FOXK1: variants seen among roughly 807,000 people sequenced by gnomAD.
The protein encoded by FOXK1 is forkhead box K1, also known as forkhead box protein K1.
A neutral mutation model predicts 51.9 loss-of-function variants in FOXK1; 19 were observed. The observed-to-expected ratio is 0.37, with a 90% CI of 0.26 to 0.54. FOXK1 has a LOEUF of 0.54. FOXK1 is among the 20% of genes least tolerant of loss of function. The probability of loss-of-function intolerance (pLI) is 0.87; values close to 1 mark genes in which losing one functional copy is unlikely to be tolerated. For synonymous variants in FOXK1, 537 were observed against 482.6 expected (o/e 1.11, Z -1.48); for missense variants, 870 against 1,032.7 (o/e 0.84, Z 2.16).
intron 7 of FOXK1, among the ~76,000 whole-genome samples, chr7:4,760,794 T>G (rs1019633132): frequency 2.0e-5 from 3 of 152,158 alleles, no homozygotes; most frequent in African/African-American, 4.8e-5. Context: ...GAGGTTGCAG[T>G]GAGCCGAGAT....
Position 4,767,944 on chromosome 7 carries a change from C to T in FOXK1, c.*5480C>T, listed in dbSNP as rs929639141. ...CCACACCGTGCGGCTTGAATTCTGT[C>T]GGAGTTGAATCTGTGGAAAGGATTG... On this transcript the variant is annotated 3_prime_UTR_variant, in exon 9 of 9. Coordinates refer to ENST00000328914, the MANE Select transcript of FOXK1 (RefSeq NM_001037165.2). The surrounding 1 kb of genome is among the most constrained non-coding windows in gnomAD (Gnocchi z 6.6). 3.3e-5 allele frequency: 5 copies of T among 151,908 alleles called. No homozygotes were observed. The highest frequency in any genetic ancestry group is 7.4e-5 in the Non-Finnish European group (5 of 68,014). 9.4% of individuals were successfully genotyped at this position (151,908 alleles called of 1,614,324 possible).
chr7:4,692,791 A>T lies in FOXK1; in HGVS notation c.560+9923A>T, dbSNP rs184022517. 5.9e-5 allele frequency among the ~76,000 whole-genome samples: 9 copies of T among 151,510 alleles called. No homozygotes were observed. The East Asian group carries it at 1.6e-3, about 26-fold the overall frequency. On this transcript the variant is annotated intron_variant, in intron 1 of 8. Coordinates refer to ENST00000328914, the MANE Select transcript of FOXK1 (RefSeq NM_001037165.2). ...ACCCAGGCTAGAGTGCAGTGGTGCAATCATAGCTCACTGCAGCCTTGACCT... is the reference window on the plus strand; with the variant it reads ...ACCCAGGCTAGAGTGCAGTGGTGCATTCATAGCTCACTGCAGCCTTGACCT...
chr7:4,719,630 C>T lies in FOXK1; in HGVS notation c.561-21208C>T, dbSNP rs189787951. ...CTGAGTAGCTGGGACTACAGGCACA[C>T]GCCACCATGCCCATCTAATTTTTGT... On this transcript the variant is annotated intron_variant, in intron 1 of 8. Coordinates refer to ENST00000328914, the MANE Select transcript of FOXK1 (RefSeq NM_001037165.2). Among the ~76,000 whole-genome samples the T allele has an allele frequency of 1.6e-4, 25 of 152,212 alleles. 1 individual carries two copies. The East Asian group carries it at 3.3e-3, about 20-fold the overall frequency.
rs548212224 is a variant in FOXK1 at position 4,747,414 on chromosome 7, G to A, written c.746+6391G>A. Among the ~76,000 whole-genome samples the A allele has an allele frequency of 6.6e-6, 1 of 152,238 alleles. No homozygotes were observed. Among genetic ancestry groups the A allele is most frequent in the Non-Finnish European group, 1.5e-5 (1 of 68,042 alleles). On this transcript the variant is annotated intron_variant, in intron 2 of 8. Coordinates refer to ENST00000328914, the MANE Select transcript of FOXK1 (RefSeq NM_001037165.2). The surrounding 1 kb of genome is among the most constrained non-coding windows in gnomAD (Gnocchi z 9.2). ...GCCTAACATGAGAGCAGCTCCTGTT[G>A]AAGCCACCATGCTGGTTATTCTCAC...
chr7:4,718,382 C>T (rs569460122), intron 1 of FOXK1, among the ~76,000 whole-genome samples: 1 of 152,238 alleles, frequency 6.6e-6, no homozygotes, highest in African/African-American at 2.4e-5. Flanking sequence ...GTTTCAGAAG[C>T]GGGCTCGTCC....
chr7:4,756,858 C>T lies in FOXK1; in HGVS notation c.1051-136C>T. 3.3e-6 allele frequency: 3 copies of T among 896,650 alleles called. No individual in the cohort carries two copies. The South Asian group carries it at 5.0e-5, about 15-fold the overall frequency. The allele number at this position is 896,650 out of a possible 1,614,324, so 55.5% of individuals were successfully genotyped here. On this transcript the variant is annotated intron_variant, in intron 4 of 8. Transcript: ENST00000328914. This position sits in a 1 kb window ranked among gnomAD's most constrained non-coding sequence, Gnocchi z 4.1. ...TCGGTGCTGCTCCCGTGAGGCCCAGCCAGCACAGCACCAAGGGCTCTGCAC... is the reference window on the plus strand; with the variant it reads ...TCGGTGCTGCTCCCGTGAGGCCCAGTCAGCACAGCACCAAGGGCTCTGCAC...
rs1415601922 is a variant in FOXK1, at chr7:4,731,717, C to G, written c.561-9121C>G. Among the ~76,000 whole-genome samples, 1 of 150,538 alleles carries G rather than the reference C, an allele frequency of 6.6e-6. No homozygotes were observed. The highest frequency in any genetic ancestry group is 2.5e-5 in the African/African-American group (1 of 40,762). On this transcript the variant is annotated intron_variant, in intron 1 of 8. Coordinates refer to ENST00000328914, the MANE Select transcript of FOXK1 (RefSeq NM_001037165.2). This position sits in a 1 kb window ranked among gnomAD's most constrained non-coding sequence, Gnocchi z 5.3. ...GAGGTTGCAGTGAGCTGAGATTGCA[C>G]CACTGCACTCCAGCCTGGGCAACAA...
chr7:4,738,344 G>T (rs768977769), intron 1 of FOXK1, among the ~76,000 whole-genome samples: 4 of 151,550 alleles, frequency 2.6e-5, no homozygotes, highest in Non-Finnish European at 5.9e-5. Flanking sequence ...GGCTGAGGCA[G>T]CAGAATCGCT....
rs1048538870 is a variant in FOXK1 at position 4,768,391 on chromosome 7, C to T, written c.*5927C>T. The T allele has an allele frequency of 1.4e-5, 2 of 138,240 alleles. No individual in the cohort carries two copies. The highest frequency in any genetic ancestry group is 3.0e-5 in the Non-Finnish European group (2 of 67,204). The allele number at this position is 138,240 out of a possible 1,614,324, so 8.6% of individuals were successfully genotyped here. A position where few individuals can be genotyped will look rare whatever the true frequency, so the allele number is the denominator to read the frequency against. The stretch of plus-strand genomic sequence containing the variant: ...TCGTGATCCGCCCGCCTCGGCCTCC[C>T]AAAGTGCTGGGATTACAGGCGTGAG... On this transcript the variant is annotated 3_prime_UTR_variant, in exon 9 of 9. Transcript: ENST00000328914.
At chr7:4,701,964 A>G (rs1204080508) in intron 1 of FOXK1, among the ~76,000 whole-genome samples, 1 of 152,184 alleles carries the variant, frequency 6.6e-6, no homozygotes, top group African/African-American at 2.4e-5. Context: ...ACTCGCAGCT[A>G]CTTGGGAGGC....
At position 4,755,178 on chromosome 7, in the gene FOXK1, G is replaced by A; in HGVS notation, c.904-59G>A. ...TCCTCCCCATCAGCTGTGACGGGTG[G>A]GTGGGGTAGACTCAGGGACCTTGCT... On this transcript the variant is annotated intron_variant, in intron 3 of 8. Transcript: ENST00000328914. This position sits in a 1 kb window ranked among gnomAD's most constrained non-coding sequence, Gnocchi z 6.6. The A allele has an allele frequency of 6.3e-7, 1 of 1,589,088 alleles. No individual in the cohort carries two copies. The highest frequency in any genetic ancestry group is 8.6e-7 in the Non-Finnish European group (1 of 1,163,664).
rs555894694 is a variant in FOXK1, at chr7:4,711,627, G to A, written c.560+28759G>A. On this transcript the variant is annotated intron_variant, in intron 1 of 8. Transcript: ENST00000328914. This position sits in a 1 kb window ranked among gnomAD's most constrained non-coding sequence, Gnocchi z 6.3. ...ACTCCTCGGCATTGTGTGGATGGGC[G>A]GTAGTGAGAATAATTACTAAGGGCG... Among the ~76,000 whole-genome samples the A allele has an allele frequency of 4.6e-5, 7 of 152,266 alleles. No homozygotes were observed. The South Asian group carries it at 6.2e-4, about 14-fold the overall frequency.
intron 1 of FOXK1, among the ~76,000 whole-genome samples, chr7:4,698,094 G>A (rs1243426751): frequency 1.3e-5 from 2 of 152,006 alleles, no homozygotes; most frequent in Non-Finnish European, 2.9e-5. Flanking sequence ...CAAAGTGCTG[G>A]GACTACAGGC....
rs1780812744 is a variant in FOXK1 at position 4,754,143 on chromosome 7, G to T, written c.747-316G>T. ...TGCACATCCTGTAGGGGTGTGTGTGGGGGGACCTGAGGAGGGGCCCCACAG... is the reference window on the plus strand; with the variant it reads ...TGCACATCCTGTAGGGGTGTGTGTGTGGGGACCTGAGGAGGGGCCCCACAG... On this transcript the variant is annotated intron_variant, in intron 2 of 8. Coordinates refer to ENST00000328914, the MANE Select transcript of FOXK1 (RefSeq NM_001037165.2). Among the ~76,000 whole-genome samples, 2 of 152,150 alleles carry T rather than the reference G, an allele frequency of 1.3e-5. 1 individual carries two copies. Among genetic ancestry groups the T allele is most frequent in the South Asian group, 4.1e-4 (2 of 4,832 alleles).
chr7:4,685,219 T>A (rs2115026013), intron 1 of FOXK1, among the ~76,000 whole-genome samples: 1 of 140,452 alleles, frequency 7.1e-6, no homozygotes, highest in South Asian at 2.3e-4. Flanking sequence ...AAGAGCTATT[T>A]GCTTTTTTTT....
chr7:4,718,010 C>G (rs1780257835), intron 1 of FOXK1, among the ~76,000 whole-genome samples: 2 of 152,158 alleles, frequency 1.3e-5, no homozygotes, highest in Non-Finnish European at 2.9e-5. Context: ...TGTGCCATTT[C>G]AGTGTTGAAG....
intron 1 of FOXK1, among the ~76,000 whole-genome samples, chr7:4,700,228 A>T (rs1481303544): frequency 6.6e-6 from 1 of 152,186 alleles, no homozygotes; most frequent in Non-Finnish European, 1.5e-5. Flanking sequence ...TTTCTTGTTT[A>T]TTGCATAGCC....
chr7:4,746,827 C>T (rs925345862), intron 2 of FOXK1, among the ~76,000 whole-genome samples: 2 of 152,228 alleles, frequency 1.3e-5, no homozygotes, highest in Non-Finnish European at 2.9e-5. Flanking sequence ...GCTGGCTGTG[C>T]CAGCATTTGC....
At chr7:4,717,294 C>A (rs1475940751) in intron 1 of FOXK1, among the ~76,000 whole-genome samples, 1 of 95,476 alleles carries the variant, frequency 1.0e-5, no homozygotes, top group East Asian at 3.4e-4. Context: ...TAGCAGGAGG[C>A]GTGTGGATGG....
Sources: gnomAD v4.1 joint callset for allele counts (sites outside exome capture counted in the v4.1 genomes callset) on GRCh38, gnomAD v4.1.1 for gene constraint, Gnocchi (gnomAD v3.1) non-coding constraint, MANE v1.5 for transcripts, NCBI Gene and HGNC (gene_info 2026-07-23, HGNC 2026-07-21) for gene names.